LSM14A: variants seen among roughly 807,000 people sequenced by gnomAD.
LSM14A encodes protein LSM14 homolog A.
A neutral mutation model predicts 52.4 loss-of-function variants in LSM14A; 14 were observed. The observed-to-expected ratio is 0.27, with a 90% confidence interval of 0.18 to 0.42. The LOEUF (loss-of-function observed/expected upper bound fraction) is 0.42, where lower values mean the gene tolerates loss of function less well. Ranked by LOEUF, LSM14A falls within the 10% of genes least tolerant of loss-of-function variation. The pLI is 1.00. For synonymous variants in LSM14A, 185 were observed against 200.3 expected (o/e 0.92, Z 0.64); for missense variants, 417 against 581.8 (o/e 0.72, Z 2.91).
chr19:34,226,288 A>G (rs2073333369), intron 9 of LSM14A: 1 of 1,016,736 alleles, frequency 9.8e-7, no homozygotes, highest in South Asian at 1.6e-5. Context: ...AAAGACAACA[A>G]GGTGTCTGAA....
chr19:34,205,058 G>A (rs2071579799), intron 3 of LSM14A, among the ~76,000 whole-genome samples: 1 of 152,136 alleles, frequency 6.6e-6, no homozygotes, highest in African/African-American at 2.4e-5. Flanking sequence ...CTTGAGCTGG[G>A]GAGGCAGAGG....
At chr19:34,224,765 C>T (rs967753653) in intron 9 of LSM14A, among the ~76,000 whole-genome samples, 4 of 152,230 alleles carry the variant, frequency 2.6e-5, no homozygotes, top group Non-Finnish European at 5.9e-5. Flanking sequence ...GATTCCAACT[C>T]CATCCCCATT....
intron 4 of LSM14A, among the ~76,000 whole-genome samples, chr19:34,213,616 A>G (rs2072331656): frequency 6.6e-6 from 1 of 152,162 alleles, no homozygotes; most frequent in South Asian, 2.1e-4. Flanking sequence ...TGGAATAATT[A>G]TGAGATGTGA....
At chr19:34,188,372 C>A (rs2070088372) in intron 1 of LSM14A, among the ~76,000 whole-genome samples, 1 of 152,156 alleles carries the variant, frequency 6.6e-6, no homozygotes, top group Non-Finnish European at 1.5e-5. Flanking sequence ...CCCCTAGTTT[C>A]CCCATTCTCC....
chr19:34,188,743 A>G (rs542696695), intron 1 of LSM14A, among the ~76,000 whole-genome samples: 1 of 152,216 alleles, frequency 6.6e-6, no homozygotes, highest in African/African-American at 2.4e-5. Context: ...ACTCAGCATA[A>G]TGCTTTCACG....
chr19:34,226,714 A>G (rs2073366155), intron 9 of LSM14A, among the ~76,000 whole-genome samples: 1 of 152,230 alleles, frequency 6.6e-6, no homozygotes, highest in Admixed American at 6.5e-5. Flanking sequence ...CTAGAGGAAA[A>G]TAAAAGCCCT....
chr19:34,191,831 T>C (rs1165060449), intron 1 of LSM14A, among the ~76,000 whole-genome samples: 3 of 152,196 alleles, frequency 2.0e-5, no homozygotes, highest in Non-Finnish European at 2.9e-5. Flanking sequence ...AGGGGTGAGA[T>C]TGATTTATTT....
At chr19:34,180,120 T>C (rs557669804) in intron 1 of LSM14A, among the ~76,000 whole-genome samples, 2 of 152,306 alleles carry the variant, frequency 1.3e-5, no homozygotes, top group Admixed American at 6.5e-5. Flanking sequence ...GGTTTTGCCA[T>C]GCTGCCCAGG....
intron 1 of LSM14A, among the ~76,000 whole-genome samples, chr19:34,182,851 A>T (rs1311680355): frequency 6.6e-6 from 1 of 151,044 alleles, no homozygotes; most frequent in South Asian, 2.1e-4. Context: ...CAAAAAAAAA[A>T]AAAAAGAGTC....
At chr19:34,195,918 A>G (rs970164373) in intron 2 of LSM14A, among the ~76,000 whole-genome samples, 1 of 152,232 alleles carries the variant, frequency 6.6e-6, no homozygotes, top group Non-Finnish European at 1.5e-5. Flanking sequence ...TCATTCATTC[A>G]GTAGTATTTA....
At chr19:34,207,454 A>C (rs2071786306) in intron 3 of LSM14A, among the ~76,000 whole-genome samples, 1 of 152,058 alleles carries the variant, frequency 6.6e-6, no homozygotes, top group African/African-American at 2.4e-5. Flanking sequence ...CTGGAGCTGC[A>C]GCCAGACTGG....
intron 3 of LSM14A, among the ~76,000 whole-genome samples, chr19:34,201,987 A>G (rs1182330497): frequency 6.6e-6 from 1 of 151,782 alleles, no homozygotes; most frequent in East Asian, 1.9e-4. Context: ...ATGCCCAGCT[A>G]ATTTTTGTAT....
intron 1 of LSM14A, among the ~76,000 whole-genome samples, chr19:34,177,195 TTTAAA>T (rs1467241239): frequency 4.6e-5 from 7 of 152,232 alleles, no homozygotes; most frequent in Non-Finnish European, 8.8e-5. Context: ...TAGTAGTTTC[TTTAAA>T]TTAACAGAAG....
chr19:34,209,974 T>A (rs2072015041), intron 4 of LSM14A, among the ~76,000 whole-genome samples: 1 of 152,120 alleles, frequency 6.6e-6, no homozygotes, highest in Non-Finnish European at 1.5e-5. Flanking sequence ...CACTTTAGCT[T>A]CCCCAGTAGC....
chr19:34,226,516 A>G (rs953545664), intron 9 of LSM14A: 6 of 1,427,046 alleles, frequency 4.2e-6, no homozygotes, highest in East Asian at 5.1e-5. Flanking sequence ...TGTGGGGGAC[A>G]GCAGGTTCAT....
rs201886686 is a variant in LSM14A, at chr19:34,215,423, ATGTT to A, written c.715+126_715+129del. 3,746 of 1,177,746 alleles carry A rather than the reference ATGTT, an allele frequency of 3.2e-3. 77 individuals carry two copies. The African/African-American group carries it at 0.052, about 16-fold the overall frequency. 73.0% of individuals were successfully genotyped at this position (1,177,746 alleles called of 1,614,324 possible). A position where few individuals can be genotyped will look rare whatever the true frequency, so the allele number is the denominator to read the frequency against. On this transcript the variant is annotated intron_variant, in intron 5 of 9. Transcript: ENST00000544216. ...AGAAAATTAAACTGAATATGATAGAATGTTTGGTCTTTCAAATTTGACTCAAAGT... is the reference window on the plus strand; with the variant it reads ...AGAAAATTAAACTGAATATGATAGAATGGTCTTTCAAATTTGACTCAAAGT...
At chr19:34,210,778 C>A (rs1175784227) in intron 4 of LSM14A, among the ~76,000 whole-genome samples, 1 of 146,338 alleles carries the variant, frequency 6.8e-6, no homozygotes, top group African/African-American at 2.5e-5. Context: ...CGCCATGTTG[C>A]CAAGGCTGGT....
chr19:34,211,122 C>T (rs1424448255), intron 4 of LSM14A, among the ~76,000 whole-genome samples: 1 of 151,348 alleles, frequency 6.6e-6, no homozygotes, highest in Non-Finnish European at 1.5e-5. Context: ...GGCCAACCAA[C>T]ATGGTGAAAC....
chr19:34,206,268 G>T (rs2071688233), intron 3 of LSM14A, among the ~76,000 whole-genome samples: 1 of 152,184 alleles, frequency 6.6e-6, no homozygotes, highest in Non-Finnish European at 1.5e-5. Context: ...TAACTCAGGA[G>T]GCTGATGCAG....
Sources: gnomAD v4.1 joint callset for allele counts (sites outside exome capture counted in the v4.1 genomes callset) on GRCh38, gnomAD v4.1.1 for gene constraint, MANE v1.5 for transcripts, NCBI Gene and HGNC (gene_info 2026-07-23, HGNC 2026-07-21) for gene names.